ZCCHC7: variants seen among roughly 807,000 people sequenced by gnomAD.
The protein encoded by ZCCHC7 is zinc finger CCHC-type containing 7, also known as zinc finger CCHC domain-containing protein 7.
ZCCHC7 carries 35 observed loss-of-function variants against 52.0 expected under a neutral mutation model. The observed-to-expected ratio is 0.67, with a 90% CI of 0.51 to 0.89. The LOEUF is 0.89. Ranked by LOEUF, ZCCHC7 falls within the 40% of genes least tolerant of loss-of-function variation. The pLI, the probability that ZCCHC7 is intolerant of heterozygous loss-of-function variation, is 0.00. For synonymous variants in ZCCHC7, 217 were observed against 221.5 expected (o/e 0.98, Z 0.18); for missense variants, 574 against 649.1 (o/e 0.88, Z 1.26).
intron 5 of ZCCHC7, among the ~76,000 whole-genome samples, chr9:37,316,256 C>T (rs565008119): frequency 2.4e-4 from 36 of 151,658 alleles, no homozygotes; most frequent in Admixed American, 7.9e-4. Flanking sequence ...GATGGGGTTT[C>T]GCCATGTTGT....
intron 2 of ZCCHC7, among the ~76,000 whole-genome samples, chr9:37,169,088 T>G (rs1361930309): frequency 1.3e-5 from 2 of 152,198 alleles, no homozygotes; most frequent in South Asian, 2.1e-4. Flanking sequence ...TAAGCAATAA[T>G]CTTAACCTTC....
chr9:37,160,798 A>G (rs907839282), intron 2 of ZCCHC7, among the ~76,000 whole-genome samples: 1 of 151,996 alleles, frequency 6.6e-6, no homozygotes, highest in African/African-American at 2.4e-5. Context: ...AGGAAGGAGA[A>G]TTGCTTGAAC....
At chr9:37,195,205 C>T (rs1001777295) in intron 2 of ZCCHC7, among the ~76,000 whole-genome samples, 4 of 152,018 alleles carry the variant, frequency 2.6e-5, no homozygotes, top group Non-Finnish European at 4.4e-5. Flanking sequence ...CCTCAGCCTC[C>T]CAAAGTGCTG....
rs570006193 is a variant in ZCCHC7 at position 37,240,786 on chromosome 9, A to G, written c.611-61402A>G. 5.3e-5 allele frequency among the ~76,000 whole-genome samples: 8 copies of G among 151,580 alleles called. No homozygotes were observed. In the South Asian group the frequency reaches 6.2e-4, roughly 12 times the overall value. ...CAAAAGGGATGGAATTAAACAAAAA[A>G]TTTTTTTTCTAGCTAAAAGGCCATC... On this transcript the variant is annotated intron_variant, in intron 2 of 8. Coordinates refer to ENST00000336755, the MANE Select transcript of ZCCHC7 (RefSeq NM_032226.3).
chr9:37,289,306 C>G (rs1828414835), intron 2 of ZCCHC7, among the ~76,000 whole-genome samples: 2 of 152,030 alleles, frequency 1.3e-5, no homozygotes, highest in African/African-American at 4.8e-5. Context: ...CCTGCCACCA[C>G]ACCTGGCTAA....
intron 2 of ZCCHC7, among the ~76,000 whole-genome samples, chr9:37,290,666 A>C (rs555775559): frequency 6.6e-6 from 1 of 152,276 alleles, no homozygotes; most frequent in Non-Finnish European, 1.5e-5. Context: ...TCTCCAAAAA[A>C]AAGGAATTGA....
intron 2 of ZCCHC7, among the ~76,000 whole-genome samples, chr9:37,191,022 CAAA>C (rs1225816158): frequency 4.7e-5 from 5 of 105,676 alleles, no homozygotes; most frequent in Admixed American, 2.1e-4. Flanking sequence ...AACTCCGTCT[CAAA>C]AAAAAAAAAA....
chr9:37,305,577 G>C lies in ZCCHC7; in HGVS notation c.814G>C (p.Gly272Arg), dbSNP rs757250294. 6.2e-7 allele frequency: 1 copy of C among 1,614,004 alleles called. No homozygotes were observed. Among genetic ancestry groups the C allele is most frequent in the South Asian group, 1.1e-5 (1 of 91,072 alleles). ...VRRCFLCSRR[G>R]HLLYSCPAPL... ...TCGCTGCTTCCTGTGCTCCAGGAGA[G>C]GACATCTCCTGTATTCCTGTCCAGC... The change falls in exon 5 of 9, where the codon GGA (glycine) becomes CGA (arginine). Residue 272 changes from glycine to arginine, a missense_variant. Coordinates refer to ENST00000336755, the MANE Select transcript of ZCCHC7 (RefSeq NM_032226.3).
chr9:37,147,659 A>G (rs1178654188), intron 2 of ZCCHC7, among the ~76,000 whole-genome samples: 1 of 152,072 alleles, frequency 6.6e-6, no homozygotes, highest in Non-Finnish European at 1.5e-5. Flanking sequence ...TTCATAAAAG[A>G]TATGTCAATC....
intron 2 of ZCCHC7, among the ~76,000 whole-genome samples, chr9:37,216,638 C>T (rs1337626209): frequency 6.6e-6 from 1 of 152,140 alleles, no homozygotes; most frequent in Non-Finnish European, 1.5e-5. Context: ...CACACCATTG[C>T]ACTCCAGCGT....
At chr9:37,227,801 T>A (rs1014674226) in intron 2 of ZCCHC7, among the ~76,000 whole-genome samples, 1 of 152,162 alleles carries the variant, frequency 6.6e-6, no homozygotes, top group Non-Finnish European at 1.5e-5. Context: ...TCTTTCTTTT[T>A]CTCTTTTCTT....
intron 2 of ZCCHC7, among the ~76,000 whole-genome samples, chr9:37,208,440 C>T (rs1408254528): frequency 6.6e-6 from 1 of 152,184 alleles, no homozygotes; most frequent in East Asian, 1.9e-4. Flanking sequence ...CCCTTTCTCA[C>T]TTCTAGCTTT....
chr9:37,320,599 A>T (rs1051307933), intron 5 of ZCCHC7, among the ~76,000 whole-genome samples: 2 of 152,182 alleles, frequency 1.3e-5, no homozygotes, highest in African/African-American at 4.8e-5. Flanking sequence ...GAACTCCTTT[A>T]GCCTCCATTA....
chr9:37,182,358 C>CTT (rs397940538), intron 2 of ZCCHC7, among the ~76,000 whole-genome samples: 15 of 137,142 alleles, frequency 1.1e-4, no homozygotes, highest in African/African-American at 4.0e-4. Context: ...TTCTTTTTTT[C>CTT]TTTTTTTTTT....
At chr9:37,304,042 A>G in intron 3 of ZCCHC7, 146 bp from the exon 4 acceptor site, 1 of 722,650 alleles carries the variant, frequency 1.4e-6, no homozygotes, top group Non-Finnish European at 2.2e-6. Flanking sequence ...TATAACTAAT[A>G]ATTCTCTTGC....
rs779241178 is a variant in ZCCHC7 at position 37,305,578 on chromosome 9, G to A, written c.815G>A (p.Gly272Glu). Residue 272 changes from glycine (G) to glutamate (E), a missense_variant, in exon 5 of 9, where the codon GGA (glycine) becomes GAA (glutamate). Physicochemically the swap from Gly to Glu is moderately conservative, Grantham distance 98. Around this residue, in one of 3 missense-constraint regions of ZCCHC7, gnomAD observed 403 missense variants for 461.2 expected, o/e 0.87. Transcript: ENST00000336755. ...CGCTGCTTCCTGTGCTCCAGGAGAGGACATCTCCTGTATTCCTGTCCAGCC... is the reference window on the plus strand; with the variant it reads ...CGCTGCTTCCTGTGCTCCAGGAGAGAACATCTCCTGTATTCCTGTCCAGCC... ...VRRCFLCSRR[G>E]HLLYSCPAPL... The A allele has an allele frequency of 6.2e-6, 10 of 1,613,924 alleles. No individual in the cohort carries two copies. The South Asian group carries it at 9.9e-5, about 16-fold the overall frequency.
At chr9:37,303,438 A>G (rs1829133311) in intron 3 of ZCCHC7, among the ~76,000 whole-genome samples, 1 of 151,420 alleles carries the variant, frequency 6.6e-6, no homozygotes. Context: ...AAAAAAAAAA[A>G]GAAAGAAAGA....
intron 2 of ZCCHC7, among the ~76,000 whole-genome samples, chr9:37,202,259 A>G (rs1021207094): frequency 6.6e-6 from 1 of 152,208 alleles, no homozygotes; most frequent in African/African-American, 2.4e-5. Context: ...TGCATGTACA[A>G]TAGTAGGACA....
chr9:37,217,211 A>G (rs1824551773), intron 2 of ZCCHC7, among the ~76,000 whole-genome samples: 1 of 152,114 alleles, frequency 6.6e-6, no homozygotes, highest in South Asian at 2.1e-4. Context: ...TAATTACCTT[A>G]TTTCTAATTC....
Sources: allele counts gnomAD v4.1 joint callset (sites outside exome capture counted in the v4.1 genomes callset), GRCh38; gene constraint gnomAD v4.1.1; regional missense constraint gnomAD v4.1.1; transcripts MANE v1.5; gene names NCBI Gene and HGNC (gene_info 2026-07-23, HGNC 2026-07-21).